Variants in OSBPL10 observed in about 807,000 individuals in gnomAD.
OSBPL10 encodes oxysterol binding protein like 10.
In OSBPL10, 49 loss-of-function variants were observed where a neutral mutation model predicts 81.7. The ratio of observed to expected loss-of-function variants is 0.60; its 90% CI spans 0.48 to 0.76. The LOEUF is 0.76. OSBPL10 is among the 30% of genes least tolerant of loss of function. The pLI, the probability that OSBPL10 is intolerant of heterozygous loss-of-function variation, is 0.00. For missense variants in OSBPL10, 923 were observed against 987.8 expected (o/e 0.93, Z 0.88); for synonymous variants, 419 against 383.6 (o/e 1.09, Z -1.08).
chr3:31,886,941 A>G (rs1163360525), intron 1 of OSBPL10, among the ~76,000 whole-genome samples: 1 of 149,982 alleles, frequency 6.7e-6, no homozygotes, highest in Non-Finnish European at 1.5e-5. Context: ...TCCATCTCAA[A>G]AAAAAAAAAG....
Position 31,862,725 on chromosome 3 carries a change from A to G in OSBPL10, c.537+13708T>C, listed in dbSNP as rs79601529. Among the ~76,000 whole-genome samples the G allele has an allele frequency of 6.1e-3, 924 of 152,318 alleles. 10 individuals carry two copies. Among genetic ancestry groups the G allele is most frequent in the African/African-American group, 0.02 (842 of 41,566 alleles). ...TAGGGAAATGCAAATCAAAATTACA[A>G]GGAGGTATCACTTCACACCCACTAG... On this transcript the variant is annotated intron_variant, in intron 3 of 11. Transcript: ENST00000396556.
intron 1 of OSBPL10, among the ~76,000 whole-genome samples, chr3:31,916,210 T>C (rs1383393609): frequency 2.0e-5 from 3 of 152,138 alleles, no homozygotes; most frequent in Admixed American, 1.3e-4. Flanking sequence ...CAAAAGGCTA[T>C]AGCACACAAA....
At chr3:31,907,954 G>T (rs1403318862) in intron 1 of OSBPL10, among the ~76,000 whole-genome samples, 1 of 152,182 alleles carries the variant, frequency 6.6e-6, no homozygotes, top group East Asian at 1.9e-4. Flanking sequence ...AGTGTTGGAG[G>T]CTGGGAAAAG....
intron 2 of OSBPL10, among the ~76,000 whole-genome samples, chr3:32,012,571 G>T (rs1699272092): frequency 6.6e-6 from 1 of 152,132 alleles, no homozygotes; most frequent in Admixed American, 6.5e-5. Context: ...CATAATGACA[G>T]GATTAAATTC....
At chr3:31,856,150 G>T (rs912571878) in intron 3 of OSBPL10, among the ~76,000 whole-genome samples, 2 of 146,606 alleles carry the variant, frequency 1.4e-5, no homozygotes, top group African/African-American at 5.1e-5. Flanking sequence ...GACCTAAAAT[G>T]ATCTTCCTGG....
intron 1 of OSBPL10, among the ~76,000 whole-genome samples, chr3:31,928,073 C>A (rs1411676396): frequency 6.6e-6 from 1 of 152,162 alleles, no homozygotes; most frequent in Non-Finnish European, 1.5e-5. Context: ...TCATTAAACT[C>A]CCGAGGGTGA....
intron 1 of OSBPL10, among the ~76,000 whole-genome samples, chr3:31,904,882 A>C (rs761071495): frequency 2.0e-5 from 3 of 152,150 alleles, no homozygotes; most frequent in Non-Finnish European, 2.9e-5. Flanking sequence ...GGGAGAGGAG[A>C]GCATCAGTTA....
chr3:31,946,534 G>A (rs1697707311), intron 1 of OSBPL10, among the ~76,000 whole-genome samples: 1 of 152,148 alleles, frequency 6.6e-6, no homozygotes, highest in African/African-American at 2.4e-5. Context: ...CCCTGCCTGG[G>A]CCCTTGCAGG....
chr3:31,983,113 A>G (rs1052661228), upstream of OSBPL10, among the ~76,000 whole-genome samples: 11 of 152,180 alleles, frequency 7.2e-5, no homozygotes, highest in Non-Finnish European at 4.4e-5. Context: ...ACATGCACAA[A>G]ATGTTTGTTT....
chr3:31,887,463 A>G (rs1437838124), intron 1 of OSBPL10, among the ~76,000 whole-genome samples: 1 of 152,192 alleles, frequency 6.6e-6, no homozygotes, highest in African/African-American at 2.4e-5. Flanking sequence ...CCTTGGAGCT[A>G]CCAGTGTCAC....
At chr3:31,742,077 T>C (rs1310196758) in intron 5 of OSBPL10, among the ~76,000 whole-genome samples, 1 of 152,238 alleles carries the variant, frequency 6.6e-6, no homozygotes. Flanking sequence ...CATTTCTGTC[T>C]TAGCTTTTAA....
At chr3:31,934,073 G>C (rs80275920) in intron 1 of OSBPL10, among the ~76,000 whole-genome samples, 9,704 of 123,856 alleles carry the variant, frequency 0.078, 661 homozygotes, top group African/African-American at 0.19. Flanking sequence ...AACCACCTCT[G>C]TTTAAAAAAA....
At chr3:31,939,586 C>T (rs1376972288) in intron 1 of OSBPL10, among the ~76,000 whole-genome samples, 2 of 152,092 alleles carry the variant, frequency 1.3e-5, no homozygotes, top group African/African-American at 4.8e-5. Flanking sequence ...CCTTCCCCAC[C>T]CCTCCAGTGA....
chr3:31,771,327 C>T (rs1295447543), intron 4 of OSBPL10, among the ~76,000 whole-genome samples: 1 of 152,128 alleles, frequency 6.6e-6, no homozygotes, highest in South Asian at 2.1e-4. Flanking sequence ...GGCAGGCCTC[C>T]ATGACAACTG....
chr3:31,677,200 C>T (rs565548846), intron 8 of OSBPL10, among the ~76,000 whole-genome samples: 1 of 152,304 alleles, frequency 6.6e-6, no homozygotes, highest in Non-Finnish European at 1.5e-5. Flanking sequence ...CTCCTGCCTT[C>T]CCCCAATCAA....
chr3:32,050,053 G>C (rs1201604904), intron 1 of OSBPL10, among the ~76,000 whole-genome samples: 1 of 152,214 alleles, frequency 6.6e-6, no homozygotes, highest in Non-Finnish European at 1.5e-5. Flanking sequence ...TAGTGAATCT[G>C]GTGTAACAGC....
At chr3:31,780,474 A>G (rs913470595) in intron 4 of OSBPL10, among the ~76,000 whole-genome samples, 2 of 151,964 alleles carry the variant, frequency 1.3e-5, no homozygotes, top group African/African-American at 4.8e-5. Context: ...AGATCAGAAT[A>G]GAACTAAATG....
chr3:31,943,529 G>A (rs567345565), intron 1 of OSBPL10, among the ~76,000 whole-genome samples: 3 of 151,976 alleles, frequency 2.0e-5, no homozygotes, highest in East Asian at 1.9e-4. Context: ...AGAGAAAGTC[G>A]CTGTTAATAT....
chr3:31,737,304 G>T (rs11717432), intron 5 of OSBPL10, among the ~76,000 whole-genome samples: 2 of 152,096 alleles, frequency 1.3e-5, no homozygotes, highest in East Asian at 3.9e-4. Flanking sequence ...ACATTCTTAC[G>T]TGGAGTGAAT....
Sources: gnomAD v4.1 joint callset for allele counts (sites outside exome capture counted in the v4.1 genomes callset) on GRCh38, gnomAD v4.1.1 for gene constraint, MANE v1.5 for transcripts, NCBI Gene and HGNC (gene_info 2026-07-23, HGNC 2026-07-21) for gene names.